FERRY3: variants seen among roughly 807,000 people sequenced by gnomAD.
FERRY3 encodes FERRY endosomal RAB5 effector complex subunit 3, also known as protein C12orf4.
At chr12:4,526,237 G>C in the FERRY3 span, among the ~76,000 whole-genome samples, 2 of 152,168 alleles carry the variant, frequency 1.3e-5, no homozygotes, top group Admixed American at 6.5e-5. Context: ...AGGACTAGAA[G>C]GGCATGAAAG....
chr12:4,501,304 G>A, the FERRY3 span, among the ~76,000 whole-genome samples: 1 of 152,118 alleles, frequency 6.6e-6, no homozygotes, highest in Non-Finnish European at 1.5e-5. Flanking sequence ...TCTTCATGCA[G>A]TTATGACTTA....
chr12:4,500,996 G>A, the FERRY3 span, among the ~76,000 whole-genome samples: 20 of 152,074 alleles, frequency 1.3e-4, no homozygotes, highest in Non-Finnish European at 1.9e-4. Context: ...TGTTTTTTAC[G>A]TGCCCTAAAT....
chr12:4,538,007 T>C, the FERRY3 span, among the ~76,000 whole-genome samples: 3 of 151,500 alleles, frequency 2.0e-5, no homozygotes, highest in East Asian at 3.9e-4. Flanking sequence ...TAAAAAAGAA[T>C]CAACCACTGA....
the FERRY3 span, among the ~76,000 whole-genome samples, chr12:4,535,714 G>T: frequency 6.6e-6 from 1 of 152,182 alleles, no homozygotes; most frequent in South Asian, 2.1e-4. This position sits in a 1 kb window ranked among gnomAD's most constrained non-coding sequence, Gnocchi z 4.0. Context: ...CACAATTAGC[G>T]ATAGCTAAAC....
At chr12:4,501,691 C>T in the FERRY3 span, among the ~76,000 whole-genome samples, 1 of 152,192 alleles carries the variant, frequency 6.6e-6, no homozygotes, top group Non-Finnish European at 1.5e-5. Flanking sequence ...GGAAAACAAG[C>T]TCAGGGCTCC....
chr12:4,499,327 A>G, the FERRY3 span, among the ~76,000 whole-genome samples: 1 of 152,138 alleles, frequency 6.6e-6, no homozygotes, highest in African/African-American at 2.4e-5. Flanking sequence ...CCTCCTCAAA[A>G]TAAGCAGGCA....
At chr12:4,499,920 AT>A in the FERRY3 span, among the ~76,000 whole-genome samples, 1 of 152,126 alleles carries the variant, frequency 6.6e-6, no homozygotes, top group Non-Finnish European at 1.5e-5. Context: ...TTTCTAGTTT[AT>A]TTACTATAGG....
chr12:4,524,341 T>C, the FERRY3 span, among the ~76,000 whole-genome samples: 6 of 149,378 alleles, frequency 4.0e-5, no homozygotes, highest in Middle Eastern at 3.4e-3. Flanking sequence ...GGGAAAACAG[T>C]AAGGCAAATG....
At chr12:4,530,748 C>G in the FERRY3 span, among the ~76,000 whole-genome samples, 1 of 151,922 alleles carries the variant, frequency 6.6e-6, no homozygotes, top group African/African-American at 2.4e-5. Context: ...CGCTGATAGA[C>G]AAGAAAAGCA....
chr12:4,501,444 GCAGC>G, the FERRY3 span, among the ~76,000 whole-genome samples: 1 of 152,148 alleles, frequency 6.6e-6, no homozygotes, highest in African/African-American at 2.4e-5. Flanking sequence ...TGGGAGGTGA[GCAGC>G]CAGCAAGCAA....
At chr12:4,525,141 A>T in the FERRY3 span, 6 of 1,330,452 alleles carry the variant, frequency 4.5e-6, no homozygotes, top group East Asian at 9.3e-5. Context: ...ATTGTCTTGA[A>T]CTTTCACTAG....
At chr12:4,495,519 G>C in the FERRY3 span, among the ~76,000 whole-genome samples, 168 of 152,272 alleles carry the variant, frequency 1.1e-3, 1 homozygote, top group African/African-American at 3.9e-3. Context: ...CAACTAATGT[G>C]AACTGTAAGC....
chr12:4,491,378 A>G, the FERRY3 span: 1 of 631,670 alleles, frequency 1.6e-6, no homozygotes, highest in Non-Finnish European at 2.7e-6. Context: ...GATTTCCTCT[A>G]GTTTTTAGGC....
the FERRY3 span, among the ~76,000 whole-genome samples, chr12:4,536,817 T>C: frequency 6.6e-6 from 1 of 152,188 alleles, no homozygotes; most frequent in Admixed American, 6.5e-5. Context: ...GCAGTAAGAA[T>C]CAACATCAAT....
the FERRY3 span, among the ~76,000 whole-genome samples, chr12:4,507,605 T>C: frequency 1.3e-5 from 2 of 152,228 alleles, no homozygotes; most frequent in Non-Finnish European, 2.9e-5. Context: ...TTATTTACAA[T>C]TAGTAGTCAT....
At chr12:4,520,414 A>G in the FERRY3 span, among the ~76,000 whole-genome samples, 2 of 152,220 alleles carry the variant, frequency 1.3e-5, no homozygotes, top group African/African-American at 4.8e-5. Context: ...TCAAGTAACA[A>G]GTAACAAGCC....
At chr12:4,496,123 T>C in the FERRY3 span, among the ~76,000 whole-genome samples, 2 of 152,144 alleles carry the variant, frequency 1.3e-5, no homozygotes, top group African/African-American at 4.8e-5. Context: ...TCCATGTGCC[T>C]CCATAGAGAC....
the FERRY3 span, among the ~76,000 whole-genome samples, chr12:4,514,297 G>A: frequency 5.8e-4 from 87 of 150,464 alleles, no homozygotes; most frequent in South Asian, 0.017. Flanking sequence ...ACTGTTGGTG[G>A]GACTGTAAAC....
chr12:4,534,726 G>C, the FERRY3 span, among the ~76,000 whole-genome samples: 1 of 152,104 alleles, frequency 6.6e-6, no homozygotes, highest in African/African-American at 2.4e-5. Flanking sequence ...TTATCAAGCT[G>C]ATACTCTTAA....
Sources: gnomAD v4.1 joint callset for allele counts (sites outside exome capture counted in the v4.1 genomes callset) on GRCh38, gnomAD v4.1.1 for gene constraint, Gnocchi (gnomAD v3.1) non-coding constraint, MANE v1.5 for transcripts, NCBI Gene and HGNC (gene_info 2026-07-23, HGNC 2026-07-21) for gene names.